Variants in ROBO2 observed in about 807,000 individuals in gnomAD.
ROBO2 encodes the protein roundabout homolog 2.
Under a neutral mutation model 160.8 loss-of-function variants are expected in ROBO2, and 53 were observed. The observed-to-expected ratio is 0.33, with a 90% CI of 0.26 to 0.41. The LOEUF is 0.41. Among genes scored for constraint, ROBO2 ranks in the 10% least tolerant of loss-of-function variants. ROBO2 has a pLI of 1.00. For synonymous variants in ROBO2, 664 were observed against 611.7 expected (o/e 1.09, Z -1.26); for missense variants, 1,577 against 1,722.4 (o/e 0.92, Z 1.49).
At chr3:76,732,027 C>G (rs2093644842) in intron 2 of ROBO2, among the ~76,000 whole-genome samples, 1 of 151,988 alleles carries the variant, frequency 6.6e-6, no homozygotes, top group Non-Finnish European at 1.5e-5. Context: ...CCCAGACTGC[C>G]AGTTATTTCA....
chr3:76,875,691 G>C (rs1041208670), intron 2 of ROBO2, among the ~76,000 whole-genome samples: 2 of 152,036 alleles, frequency 1.3e-5, no homozygotes, highest in Admixed American at 1.3e-4. Flanking sequence ...GTCTCACTCT[G>C]TTGCCTGGGC....
intron 2 of ROBO2, among the ~76,000 whole-genome samples, chr3:76,451,342 C>A (rs888490172): frequency 6.6e-6 from 1 of 152,134 alleles, no homozygotes; most frequent in Non-Finnish European, 1.5e-5. Context: ...AGTAGCATAA[C>A]CCTTCTTTTG....
chr3:77,615,546 C>T (rs2094752830), intron 21 of ROBO2, among the ~76,000 whole-genome samples: 1 of 152,160 alleles, frequency 6.6e-6, no homozygotes, highest in African/African-American at 2.4e-5. Flanking sequence ...TTCCTGTCTC[C>T]GTAGCGTTGA....
intron 13 of ROBO2, among the ~76,000 whole-genome samples, chr3:77,570,923 C>T (rs999692593): frequency 6.6e-6 from 1 of 151,950 alleles, no homozygotes; most frequent in African/African-American, 2.4e-5. Context: ...TCCCCCTTCT[C>T]ACCAGGCTAA....
intron 21 of ROBO2, among the ~76,000 whole-genome samples, chr3:77,613,129 T>C (rs2094687625): frequency 6.6e-6 from 1 of 152,122 alleles, no homozygotes; most frequent in Non-Finnish European, 1.5e-5. Context: ...TTAATAAAAA[T>C]GAATTGAGTA....
rs143337431 is a variant in ROBO2 at position 76,104,314 on chromosome 3, A to G, written c.109+166712A>G. Among the ~76,000 whole-genome samples, 44 of 152,338 alleles carry G rather than the reference A, an allele frequency of 2.9e-4. 2 individuals are homozygous for G. The East Asian group carries it at 8.1e-3, about 28-fold the overall frequency. On this transcript the variant is annotated intron_variant, in intron 2 of 26. Transcript: ENST00000487694. ...GAAGCCAGAAAGCTGTTTTACTTAC[A>G]TAACACCAAGAATAGCAAAGCCAGT... is the stretch of plus-strand genomic sequence containing the variant.
At position 77,293,965 on chromosome 3, in the gene ROBO2, T is replaced by C. The variant is rs1476146606; in HGVS notation, c.389-183449T>C. ...GTTAAACGGGTAAGCTGAGGCTAGATCACCCCAGACATAAAGTAAAATTGA... is the reference window on the plus strand; with the variant it reads ...GTTAAACGGGTAAGCTGAGGCTAGACCACCCCAGACATAAAGTAAAATTGA... On this transcript the variant is annotated intron_variant, in intron 2 of 25. Transcript: ENST00000461745. Among the ~76,000 whole-genome samples the C allele has an allele frequency of 3.5e-5, 5 of 141,922 alleles. 1 individual carries two copies. Among genetic ancestry groups the C allele is most frequent in the African/African-American group, 1.4e-4 (5 of 36,288 alleles). The allele number at this position is 141,922 out of a possible 152,430, so 93.1% of individuals were successfully genotyped here. A position where few individuals can be genotyped will look rare whatever the true frequency, so the allele number is the denominator to read the frequency against.
intron 2 of ROBO2, among the ~76,000 whole-genome samples, chr3:76,695,082 C>T (rs938440238): frequency 2.0e-4 from 30 of 152,192 alleles, no homozygotes; most frequent in South Asian, 2.1e-4. Flanking sequence ...CCAGCCTGGG[C>T]GATGGAGTGA....
chr3:76,360,116 A>G (rs1311946724), intron 2 of ROBO2, among the ~76,000 whole-genome samples: 1 of 152,096 alleles, frequency 6.6e-6, no homozygotes, highest in African/African-American at 2.4e-5. Context: ...TGCAACTCAC[A>G]GAGAAACTAA....
chr3:76,210,654 C>A (rs565444318), intron 2 of ROBO2, among the ~76,000 whole-genome samples: 8 of 152,142 alleles, frequency 5.3e-5, no homozygotes, highest in Non-Finnish European at 1.2e-4. Context: ...TTTAATATTA[C>A]ATTTTTCATC....
At chr3:76,611,112 A>G (rs960327475) in intron 2 of ROBO2, among the ~76,000 whole-genome samples, 3 of 152,118 alleles carry the variant, frequency 2.0e-5, no homozygotes, top group Non-Finnish European at 4.4e-5. Flanking sequence ...ATTAAAAGGT[A>G]TCATCCACAA....
At chr3:76,315,015 G>T (rs1233821077) in intron 2 of ROBO2, among the ~76,000 whole-genome samples, 1 of 152,100 alleles carries the variant, frequency 6.6e-6, no homozygotes, top group Non-Finnish European at 1.5e-5. Flanking sequence ...TAGAAAAATA[G>T]GTCTAGAAGA....
At chr3:77,576,016 C>T (rs944566909) in intron 14 of ROBO2, among the ~76,000 whole-genome samples, 3 of 151,994 alleles carry the variant, frequency 2.0e-5, no homozygotes, top group Admixed American at 6.6e-5. Flanking sequence ...ATCTGTAGAA[C>T]GAAGCTGAGT....
At chr3:77,207,675 C>G (rs963843306) in intron 2 of ROBO2, among the ~76,000 whole-genome samples, 2 of 152,112 alleles carry the variant, frequency 1.3e-5, no homozygotes, top group African/African-American at 2.4e-5. Flanking sequence ...TGATGTGCAG[C>G]TCCCAAAATG....
intron 2 of ROBO2, among the ~76,000 whole-genome samples, chr3:76,617,384 G>C (rs2088674938): frequency 1.3e-5 from 2 of 152,100 alleles, no homozygotes; most frequent in South Asian, 4.1e-4. Context: ...TTTATCGTAT[G>C]AAACTTTATA....
rs1319520406 is a variant in ROBO2, at chr3:76,567,630, TATATATATATATATATATATATAC to T, written c.110-530382_110-530359del. 9.6e-4 allele frequency among the ~76,000 whole-genome samples: 72 copies of T among 75,132 alleles called. 1 individual carries two copies. Among genetic ancestry groups the T allele is most frequent in the Non-Finnish European group, 1.0e-3 (36 of 35,940 alleles). 49.3% of individuals were successfully genotyped at this position (75,132 alleles called of 152,430 possible). A position where few individuals can be genotyped will look rare whatever the true frequency, so the allele number is the denominator to read the frequency against. On this transcript the variant is annotated intron_variant, in intron 2 of 26. Coordinates refer to the ROBO2 transcript ENST00000487694. ...CTATACCAAACTACTGATATATATA[TATATATATATATATATATATATAC>T]ACATACACATATATATACATATATA...
At chr3:77,586,570 C>G (rs1172932247) in intron 16 of ROBO2, among the ~76,000 whole-genome samples, 1 of 152,024 alleles carries the variant, frequency 6.6e-6, no homozygotes, top group Non-Finnish European at 1.5e-5. Context: ...ATTAGTCCAA[C>G]TGACAACATT....
chr3:77,108,273 CAT>C (rs72449818), intron 2 of ROBO2, among the ~76,000 whole-genome samples: 10,902 of 91,472 alleles, frequency 0.12, 725 homozygotes, highest in African/African-American at 0.2. Context: ...TACACATATG[CAT>C]ATATATATAT....
intron 2 of ROBO2, among the ~76,000 whole-genome samples, chr3:76,664,865 T>C (rs1358789875): frequency 6.6e-6 from 1 of 152,122 alleles, no homozygotes; most frequent in Non-Finnish European, 1.5e-5. Context: ...TAAGGGACAA[T>C]TGAAGAAGCC....
Sources: allele counts gnomAD v4.1 joint callset (sites outside exome capture counted in the v4.1 genomes callset), GRCh38; gene constraint gnomAD v4.1.1; transcripts MANE v1.5; gene names NCBI Gene and HGNC (gene_info 2026-07-23, HGNC 2026-07-21).